SUSD3: variants seen among roughly 807,000 people sequenced by gnomAD.
The protein encoded by SUSD3 is sushi domain containing 3.
In SUSD3, 18 loss-of-function variants were observed where a neutral mutation model predicts 20.6. The observed-to-expected ratio is 0.87, with a 90% CI of 0.60 to 1.30. SUSD3 has a LOEUF of 1.30. Ranked by LOEUF, SUSD3 falls within the 50% of genes most tolerant of loss-of-function variation. The pLI, the probability that SUSD3 is intolerant of heterozygous loss-of-function variation, is 0.00. For synonymous variants in SUSD3, 137 were observed against 141.5 expected (o/e 0.97, Z 0.23); for missense variants, 306 against 346.9 (o/e 0.88, Z 0.94).
intron 1 of SUSD3, chr9:93,069,173 C>CT (rs2118938706): frequency 1.4e-6 from 1 of 702,158 alleles, no homozygotes; most frequent in East Asian, 2.7e-5. Flanking sequence ...GTGAGCCACT[C>CT]TGAGTGTTGT....
intron 1 of SUSD3, among the ~76,000 whole-genome samples, chr9:93,060,380 C>T (rs1431948344): frequency 6.6e-6 from 1 of 152,144 alleles, no homozygotes; most frequent in Non-Finnish European, 1.5e-5. Flanking sequence ...TGGACAGGCC[C>T]AGTGGAGCCC....
intron 1 of SUSD3, among the ~76,000 whole-genome samples, chr9:93,062,934 A>C (rs1010200737): frequency 6.6e-6 from 1 of 152,076 alleles, no homozygotes; most frequent in Non-Finnish European, 1.5e-5. Flanking sequence ...AATCCTACGG[A>C]ATCCTGGCTG....
intron 4 of SUSD3, among the ~76,000 whole-genome samples, chr9:93,080,103 G>C (rs1258120475): frequency 1.3e-5 from 2 of 152,138 alleles, no homozygotes; most frequent in Non-Finnish European, 2.9e-5. Flanking sequence ...TGAGGTGGGA[G>C]GATCACCTGA....
chr9:93,059,085 G>T (rs916103533), intron 1 of SUSD3, among the ~76,000 whole-genome samples: 3 of 152,184 alleles, frequency 2.0e-5, no homozygotes, highest in Non-Finnish European at 4.4e-5. Flanking sequence ...TGGCCGCAGC[G>T]CCTTGGTCCC....
rs867853998 is a variant in SUSD3 at position 93,075,711 on chromosome 9, G to A, written c.89-73G>A. The A allele has an allele frequency of 6.4e-5, 59 of 916,340 alleles. No homozygotes were observed. In the Middle Eastern group the frequency reaches 1.1e-3, roughly 17 times the overall value. The allele number at this position is 916,340 out of a possible 1,614,324, so 56.8% of individuals were successfully genotyped here. ...ATGCTGTGCCAGCTCCTCACTCCAGGGTCCTGCCCAGCCCTGCCCTGCGTG... is the reference window on the plus strand; with the variant it reads ...ATGCTGTGCCAGCTCCTCACTCCAGAGTCCTGCCCAGCCCTGCCCTGCGTG... On this transcript the variant is annotated intron_variant, in intron 1 of 4. Coordinates refer to ENST00000375472, the MANE Select transcript of SUSD3 (RefSeq NM_145006.4).
At chr9:93,084,196 C>T (rs1197673984) in intron 4 of SUSD3, among the ~76,000 whole-genome samples, 1 of 152,090 alleles carries the variant, frequency 6.6e-6, no homozygotes, top group Non-Finnish European at 1.5e-5. Context: ...ATCCCAGGCC[C>T]TGGCCAGACA....
chr9:93,071,471 A>T (rs1189354521), intron 1 of SUSD3, among the ~76,000 whole-genome samples: 1 of 152,198 alleles, frequency 6.6e-6, no homozygotes, highest in Non-Finnish European at 1.5e-5. Context: ...GATTCAGCCA[A>T]TCTAGTCCTT....
chr9:93,060,708 C>T (rs1400846586), intron 1 of SUSD3, among the ~76,000 whole-genome samples: 2 of 151,998 alleles, frequency 1.3e-5, no homozygotes, highest in African/African-American at 4.8e-5. Flanking sequence ...TGGTGGCATG[C>T]GCCTGTAGTC....
At chr9:93,070,846 C>T (rs1180715528) in intron 1 of SUSD3, among the ~76,000 whole-genome samples, 1 of 152,192 alleles carries the variant, frequency 6.6e-6, no homozygotes, top group Non-Finnish European at 1.5e-5. Context: ...CTGAAGCGCT[C>T]AGCACAGAGT....
rs1826235519 is a variant in SUSD3, at chr9:93,077,935, T to C, written c.367T>C (p.Phe123Leu). Residue 123 changes from phenylalanine to leucine, a missense_variant, in exon 3 of 5, where the codon TTC becomes CTC. Transcript: ENST00000375472. ...CATCATCCTGCTCATGTCCATGGCC[T>C]TCCTCACCTGCTGCCTCCTCAAGTG... ...CAIILLMSMA[F>L]LTCCLLKCVK... 1.2e-6 allele frequency: 2 copies of C among 1,614,212 alleles called. No homozygotes were observed. The highest frequency in any genetic ancestry group is 1.7e-6 in the Non-Finnish European group (2 of 1,180,030).
intron 1 of SUSD3, among the ~76,000 whole-genome samples, chr9:93,072,363 C>A (rs2118954532): frequency 6.6e-6 from 1 of 152,322 alleles, no homozygotes; most frequent in South Asian, 2.1e-4. Context: ...GGCAGGGGGA[C>A]CACTGGGTGC....
chr9:93,079,372 T>C (rs1826307728), intron 3 of SUSD3, 99 bp from the exon 4 acceptor site: 2 of 1,371,738 alleles, frequency 1.5e-6, no homozygotes, highest in East Asian at 2.4e-5. Flanking sequence ...CCTGCACTGG[T>C]CCTGCAGACG....
intron 1 of SUSD3, among the ~76,000 whole-genome samples, chr9:93,064,097 A>T (rs1825612029): frequency 6.6e-6 from 1 of 151,958 alleles, no homozygotes; most frequent in Non-Finnish European, 1.5e-5. Flanking sequence ...CAACCAGGCT[A>T]GAGTACAGTG....
Position 93,079,538 on chromosome 9 carries a change from C to T in SUSD3, c.493C>T (p.Leu165Phe). ...LETVQAAYLG[L>F]KHFNKPVSGP... The stretch of plus-strand genomic sequence containing the variant: ...GACGGTGCAGGCCGCATACCTTGGC[C>T]TCAAGCACTTCAACAAACCCGTGAG... The change falls in exon 4 of 5, where the codon CTC (leucine) becomes TTC (phenylalanine). Residue 165 changes from leucine to phenylalanine, a missense_variant. By Grantham distance (22) the Leu-to-Phe change is conservative. Transcript: ENST00000375472. The T allele has an allele frequency of 6.2e-7, 1 of 1,614,180 alleles. No individual in the cohort carries two copies. Among genetic ancestry groups the T allele is most frequent in the South Asian group, 1.1e-5 (1 of 91,074 alleles).
intron 1 of SUSD3, among the ~76,000 whole-genome samples, chr9:93,065,784 C>T (rs1021939704): frequency 5.3e-5 from 8 of 152,236 alleles, no homozygotes; most frequent in African/African-American, 9.6e-5. Context: ...GCCAGTCCTC[C>T]ATTCCTTTGT....
chr9:93,081,135 C>G (rs1826395674), intron 4 of SUSD3, among the ~76,000 whole-genome samples: 1 of 152,152 alleles, frequency 6.6e-6, no homozygotes, highest in African/African-American at 2.4e-5. Flanking sequence ...GGCCTGTGTC[C>G]TTCTGATCCA....
chr9:93,066,935 T>C (rs1421089465), intron 1 of SUSD3, among the ~76,000 whole-genome samples: 3 of 151,906 alleles, frequency 2.0e-5, no homozygotes, highest in Admixed American at 2.0e-4. Flanking sequence ...CTGGAACTCC[T>C]GACCTCAGGT....
At position 93,084,830 on chromosome 9, in the gene SUSD3, A is replaced by C; in HGVS notation, c.*83A>C. The C allele has an allele frequency of 1.6e-6, 2 of 1,225,340 alleles. No homozygotes were observed. The highest frequency in any genetic ancestry group is 2.2e-6 in the Non-Finnish European group (2 of 911,686). 75.9% of individuals were successfully genotyped at this position (1,225,340 alleles called of 1,614,324 possible). A position where few individuals can be genotyped will look rare whatever the true frequency, so the allele number is the denominator to read the frequency against. On this transcript the variant is annotated 3_prime_UTR_variant, in exon 5 of 5. Transcript: ENST00000375472. The stretch of plus-strand genomic sequence containing the variant: ...GCCAGTCAGCTACAACTCCACATCA[A>C]CTCCACATGCGCCCAGCTCGAGACT...
intron 1 of SUSD3, among the ~76,000 whole-genome samples, chr9:93,069,484 G>T (rs1041585037): frequency 3.9e-5 from 6 of 152,164 alleles, no homozygotes; most frequent in Non-Finnish European, 7.4e-5. Context: ...ATTTATTTAG[G>T]TCTTTAATTT....
Sources: gnomAD v4.1 joint callset for allele counts (sites outside exome capture counted in the v4.1 genomes callset) on GRCh38, gnomAD v4.1.1 for gene constraint, MANE v1.5 for transcripts, NCBI Gene and HGNC (gene_info 2026-07-23, HGNC 2026-07-21) for gene names.